The following CEP152 variants were observed in gnomAD, a reference collection of about 807,000 sequenced individuals.
The protein encoded by CEP152 is centrosomal protein 152.
Under a neutral mutation model 188.9 loss-of-function variants are expected in CEP152, and 132 were observed. That is an observed-to-expected ratio of 0.70 (90% CI 0.61 to 0.81). The LOEUF is 0.81. Among genes scored for constraint, CEP152 ranks in the 30% least tolerant of loss-of-function variants. The pLI, the probability that CEP152 is intolerant of heterozygous loss-of-function variation, is 0.00. For synonymous variants in CEP152, 649 were observed against 666.6 expected, an observed-to-expected ratio of 0.97 and a Z score of 0.41; for missense variants, 1,914 against 1,969.8, an observed-to-expected ratio of 0.97 and a Z score of 0.54.
intron 12 of CEP152, among the ~76,000 whole-genome samples, chr15:48,779,111 A>G (rs1401181803): frequency 2.0e-5 from 3 of 152,242 alleles, no homozygotes; most frequent in African/African-American, 7.2e-5. Flanking sequence ...CAGACCAACT[A>G]GAGCAGAAAC....
At chr15:48,740,168 C>G (rs1892850326) in intron 26 of CEP152, among the ~76,000 whole-genome samples, 1 of 152,280 alleles carries the variant, frequency 6.6e-6, no homozygotes, top group East Asian at 1.9e-4. Context: ...GTATGATCTA[C>G]AGAAAGAAAA....
At chr15:48,736,464 T>G (rs904374459), downstream of CEP152, among the ~76,000 whole-genome samples, 2 of 152,214 alleles carry the variant, frequency 1.3e-5, no homozygotes, top group Non-Finnish European at 2.9e-5. Flanking sequence ...ATTTATGTGA[T>G]CATGATATCT....
chr15:48,772,553 T>G lies in CEP152; in HGVS notation c.1716A>C (p.Lys572Asn). 1 of 1,613,934 alleles carries G rather than the reference T, an allele frequency of 6.2e-7. No homozygotes were observed. Among genetic ancestry groups the G allele is most frequent in the Non-Finnish European group, 8.5e-7 (1 of 1,179,976 alleles). ...GATCTTCAATTTTCTTATGACAGTC[T>G]TTGAGGTCATTTTGTAACTGAGACA... ...HLVSQLQNDL[K>N]DCHKKIEDLH... Residue 572 changes from lysine to asparagine, a missense_variant, in exon 13 of 27, where the codon AAA becomes AAC. By Grantham distance (94) the Lys-to-Asn change is moderately conservative. Coordinates refer to ENST00000380950, the MANE Select transcript of CEP152 (RefSeq NM_001194998.2).
chr15:48,765,983 T>G (rs1243898674), intron 17 of CEP152, among the ~76,000 whole-genome samples: 3 of 151,648 alleles, frequency 2.0e-5, no homozygotes, highest in Non-Finnish European at 4.4e-5. Flanking sequence ...AGAATCACAC[T>G]AGTGATTTCC....
At chr15:48,799,820 T>C (rs988753747) in intron 2 of CEP152, among the ~76,000 whole-genome samples, 4 of 152,174 alleles carry the variant, frequency 2.6e-5, no homozygotes, top group Non-Finnish European at 5.9e-5. Flanking sequence ...AAAAGTTGCA[T>C]CTATGAGGTC....
chr15:48,786,039 T>C (rs1159659425), intron 9 of CEP152, among the ~76,000 whole-genome samples: 1 of 151,772 alleles, frequency 6.6e-6, no homozygotes, highest in African/African-American at 2.4e-5. Flanking sequence ...GAGAAGTCTG[T>C]GGGAGTCTCT....
chr15:48,797,701 C>A lies in CEP152; in HGVS notation c.221G>T (p.Ser74Ile). The A allele has an allele frequency of 1.9e-6, 3 of 1,614,120 alleles. No individual in the cohort carries two copies. The highest frequency in any genetic ancestry group is 2.5e-6 in the Non-Finnish European group (3 of 1,180,018). Residue 74 changes from serine (S) to isoleucine (I), a missense_variant, in exon 4 of 27, where the codon AGC becomes ATC. Coordinates refer to ENST00000380950, the MANE Select transcript of CEP152 (RefSeq NM_001194998.2). ...TTTGGGCAGCATTTGCTCATTCCAG[C>A]TCATCTCCAATTGCTCAGGATGATG... is the stretch of plus-strand genomic sequence containing the variant. ...QPHHPEQLEM[S>I]WNEQMLPKSQ...
At chr15:48,730,458 G>C (rs1892384530) in intron 2 of CEP152, among the ~76,000 whole-genome samples, 1 of 152,148 alleles carries the variant, frequency 6.6e-6, no homozygotes, top group Non-Finnish European at 1.5e-5. Flanking sequence ...ATCTCTGCTG[G>C]AGTGGGAGGC....
At chr15:48,754,741 G>A (rs1473048182) in intron 20 of CEP152, among the ~76,000 whole-genome samples, 1 of 152,192 alleles carries the variant, frequency 6.6e-6, no homozygotes, top group Non-Finnish European at 1.5e-5. Context: ...GAAAGGCTAA[G>A]CTGTGCCATG....
chr15:48,744,794 T>A (rs573947407), intron 23 of CEP152, 102 bp downstream of exon 23: 2 of 1,079,972 alleles, frequency 1.9e-6, no homozygotes, highest in Non-Finnish European at 2.6e-6. Context: ...TTCTTTTTTA[T>A]ACTTTTTGCT....
chr15:48,758,944 G>C (rs1206686039), intron 19 of CEP152, among the ~76,000 whole-genome samples: 1 of 152,002 alleles, frequency 6.6e-6, no homozygotes, highest in African/African-American at 2.4e-5. Context: ...CTCTTGGCCT[G>C]TTTTATTTTC....
intron 18 of CEP152, among the ~76,000 whole-genome samples, chr15:48,761,523 T>C (rs963251400): frequency 2.6e-5 from 4 of 152,324 alleles, no homozygotes; most frequent in African/African-American, 9.6e-5. Flanking sequence ...TAAGACACTA[T>C]CTGTTTTATT....
At chr15:48,761,176 T>C (rs1894655754) in intron 18 of CEP152, among the ~76,000 whole-genome samples, 1 of 152,202 alleles carries the variant, frequency 6.6e-6, no homozygotes, top group Non-Finnish European at 1.5e-5. Flanking sequence ...TGGAACGTTT[T>C]CTTAACTCTT....
chr15:48,741,213 T>C, intron 26 of CEP152: 1 of 1,096,120 alleles, frequency 9.1e-7, no homozygotes, highest in Non-Finnish European at 1.1e-6. Flanking sequence ...TACTGCAACC[T>C]CAAATTCCTG....
intron 9 of CEP152, among the ~76,000 whole-genome samples, chr15:48,785,172 A>T (rs1490305693): frequency 6.6e-6 from 1 of 152,198 alleles, no homozygotes; most frequent in Non-Finnish European, 1.5e-5. Context: ...TACCTTAAGG[A>T]TACTAACACA....
Position 48,739,301 on chromosome 15 carries a change from A to G in CEP152, c.4094-13T>C, listed in dbSNP as rs763956961. On this transcript the variant is annotated splice_polypyrimidine_tract_variant and intron_variant, in intron 26 of 26. Coordinates refer to ENST00000380950, the MANE Select transcript of CEP152 (RefSeq NM_001194998.2). ...GTTAGGGGCAGTGCTATTATGTGCA[A>G]GGAAACACGAAATTAAGAGAAAATT... 1 of 1,593,808 alleles carries G rather than the reference A, an allele frequency of 6.3e-7. No individual in the cohort carries two copies. Among genetic ancestry groups the G allele is most frequent in the East Asian group, 2.2e-5 (1 of 44,572 alleles).
At chr15:48,741,414 C>T (rs921099097) in intron 26 of CEP152, 187 bp downstream of exon 26, 3 of 1,440,366 alleles carry the variant, frequency 2.1e-6, no homozygotes, top group South Asian at 2.9e-5. Context: ...GATGGGCATG[C>T]TCAGTCTGCC....
At chr15:48,801,502 T>C (rs1897666592) in intron 2 of CEP152, among the ~76,000 whole-genome samples, 1 of 152,216 alleles carries the variant, frequency 6.6e-6, no homozygotes, top group Non-Finnish European at 1.5e-5. Flanking sequence ...CATTTTCAAA[T>C]ATGTCATCAC....
intron 17 of CEP152, among the ~76,000 whole-genome samples, chr15:48,766,631 T>C (rs371445041): frequency 3.9e-5 from 6 of 152,260 alleles, no homozygotes; most frequent in African/African-American, 1.4e-4. Context: ...CCCAGAAGAA[T>C]AAAATGACAA....
Sources: allele counts gnomAD v4.1 joint callset (sites outside exome capture counted in the v4.1 genomes callset), GRCh38; gene constraint gnomAD v4.1.1; transcripts MANE v1.5; gene names NCBI Gene and HGNC (gene_info 2026-07-23, HGNC 2026-07-21).